Variants in POF1B observed in about 807,000 individuals in gnomAD.
The protein encoded by POF1B is POF1B actin binding protein.
In POF1B, 53 loss-of-function variants were observed where a neutral mutation model predicts 55.3. The observed-to-expected ratio is 0.96, with a 90% confidence interval of 0.77 to 1.20. The LOEUF is 1.20. POF1B is among the 50% of genes most tolerant of loss of function. The probability of loss-of-function intolerance (pLI) is 0.00; values close to 1 mark genes in which losing one functional copy is unlikely to be tolerated. For synonymous variants in POF1B, 188 were observed against 148.3 expected, an observed-to-expected ratio of 1.27 and a Z score of -1.95; for missense variants, 478 against 420.5, an observed-to-expected ratio of 1.14 and a Z score of -1.20.
intron 15 of POF1B, among the ~76,000 whole-genome samples, chrX:85,295,646 A>C (rs1479057170): frequency 8.9e-6 from 1 of 111,796 alleles, no homozygotes; most frequent in Non-Finnish European, 1.9e-5. Context: ...ATGGTCAAGC[A>C]TATGCTCAAT....
intron 6 of POF1B, among the ~76,000 whole-genome samples, chrX:85,340,816 G>A (rs1225615282): frequency 9.1e-6 from 1 of 110,375 alleles, no homozygotes; most frequent in Non-Finnish European, 1.9e-5. Flanking sequence ...GCTGATAAGG[G>A]ATAATTGATC....
At chrX:85,306,474 A>C in intron 11 of POF1B, 141 bp from the exon 12 acceptor site, 1 of 524,136 alleles carries the variant, frequency 1.9e-6, no homozygotes, top group South Asian at 3.4e-5. Context: ...TAGATGGTAC[A>C]TTAAGTCACC....
In POF1B at chrX:85,286,525, A is replaced by G. The variant is rs56673187; in HGVS notation, c.1650-4208T>C. 6.9e-3 allele frequency among the ~76,000 whole-genome samples: 769 copies of G among 111,667 alleles called. 6 individuals carry two copies. The highest frequency in any genetic ancestry group is 0.024 in the African/African-American group (729 of 30,896). On this transcript the variant is annotated intron_variant, in intron 15 of 16. Coordinates refer to ENST00000262753, the MANE Select transcript of POF1B (RefSeq NM_024921.4). ...TGATAAAAACTCAAGACCCAACTAC[A>G]CATGCTATTTACAAAAACCATACAA...
At chrX:85,337,446 C>T (rs1399426628) in intron 6 of POF1B, among the ~76,000 whole-genome samples, 1 of 111,659 alleles carries the variant, frequency 9.0e-6, no homozygotes, top group Non-Finnish European at 1.9e-5. Flanking sequence ...GATCACTCAC[C>T]TAATTTTTGG....
chrX:85,298,407 G>A (rs1028325133), intron 15 of POF1B, among the ~76,000 whole-genome samples: 3 of 111,402 alleles, frequency 2.7e-5, no homozygotes, highest in African/African-American at 9.8e-5. Context: ...GGATGCCAGA[G>A]GTACATGGTG....
rs146040221 is a variant in POF1B, at chrX:85,377,878, A to G, written c.282+1295T>C. Among the ~76,000 whole-genome samples, 675 of 112,144 alleles carry G rather than the reference A, an allele frequency of 6.0e-3. 2 individuals carry two copies. The highest frequency in any genetic ancestry group is 0.014 in the Middle Eastern group (3 of 215). ...AATATCTATTTATGTTTCTTTTACTAGCAAGTTGACAAAAAAGGGGTCTAA... is the reference window on the plus strand; with the variant it reads ...AATATCTATTTATGTTTCTTTTACTGGCAAGTTGACAAAAAAGGGGTCTAA... On this transcript the variant is annotated intron_variant, in intron 2 of 16. Transcript: ENST00000262753.
chrX:85,327,443 C>T (rs1166831983), intron 7 of POF1B, among the ~76,000 whole-genome samples: 3 of 111,763 alleles, frequency 2.7e-5, no homozygotes, highest in African/African-American at 9.8e-5. Flanking sequence ...TGTGCAAAAC[C>T]TCTTACACAC....
At chrX:85,308,056 C>T in intron 10 of POF1B, 68 bp downstream of exon 10, 1 of 623,718 alleles carries the variant, frequency 1.6e-6, no homozygotes, top group Admixed American at 3.1e-5. Context: ...ATATACTGGA[C>T]ATCTTTATTT....
intron 15 of POF1B, among the ~76,000 whole-genome samples, chrX:85,300,018 G>A (rs369188953): frequency 1.8e-5 from 2 of 112,629 alleles, no homozygotes; most frequent in African/African-American, 3.2e-5. Context: ...AACATTTGTC[G>A]AAAATAATGT....
At chrX:85,318,863 T>A (rs1341019660) in intron 7 of POF1B, among the ~76,000 whole-genome samples, 1 of 111,938 alleles carries the variant, frequency 8.9e-6, no homozygotes, top group Non-Finnish European at 1.9e-5. Flanking sequence ...TCTTTTATGG[T>A]TCCATATGAA....
chrX:85,302,043 G>A (rs182763031), intron 15 of POF1B, among the ~76,000 whole-genome samples: 2 of 111,546 alleles, frequency 1.8e-5, no homozygotes, highest in African/African-American at 6.5e-5. Context: ...TCTTGGGTTA[G>A]TCAACAGTTT....
At chrX:85,338,244 T>A in intron 6 of POF1B, among the ~76,000 whole-genome samples, 1 of 111,730 alleles carries the variant, frequency 9.0e-6, no homozygotes, top group Middle Eastern at 4.6e-3. Context: ...TCTTTCAAGG[T>A]AAGTAAGTAG....
At chrX:85,371,851 C>T (rs1304046019) in intron 2 of POF1B, among the ~76,000 whole-genome samples, 1 of 111,552 alleles carries the variant, frequency 9.0e-6, no homozygotes, top group African/African-American at 3.3e-5. Context: ...ACAGAGTGTA[C>T]TCACAAGCCT....
chrX:85,359,585 T>A lies in POF1B; in HGVS notation c.403A>T (p.Thr135Ser), dbSNP rs1266343795. The A allele has an allele frequency of 1.7e-6, 2 of 1,202,571 alleles. No individual in the cohort carries two copies. Among genetic ancestry groups the A allele is most frequent in the East Asian group, 6.0e-5 (2 of 33,594 alleles). The part of the protein sequence containing the change: ...TVKLTTYPQT[T>S]IRKYVVQNPE... ...TTTTGTACTACATATTTCCTAATAG[T>A]GGTCTGTGGATATGTAGTAAGTTTC... Residue 135 changes from threonine to serine, a missense_variant, in exon 4 of 17, where the codon ACT (threonine) becomes TCT (serine). Transcript: ENST00000262753.
intron 13 of POF1B, among the ~76,000 whole-genome samples, chrX:85,304,833 A>T (rs755280913): frequency 5.4e-5 from 6 of 111,590 alleles, no homozygotes; most frequent in Non-Finnish European, 1.1e-4. Flanking sequence ...CAGTTCACAA[A>T]ATATTCCTCC....
At chrX:85,293,979 A>T (rs966748946) in intron 15 of POF1B, among the ~76,000 whole-genome samples, 2 of 106,299 alleles carry the variant, frequency 1.9e-5, no homozygotes, top group African/African-American at 7.6e-5. Context: ...GTCAAAAAAA[A>T]AAAATAAATA....
chrX:85,345,375 C>A (rs112745384), intron 6 of POF1B, among the ~76,000 whole-genome samples: 3,211 of 111,185 alleles, frequency 0.029, 90 homozygotes, highest in African/African-American at 0.085. Context: ...AAAATCTATA[C>A]ATATTTTGAC....
intron 5 of POF1B, among the ~76,000 whole-genome samples, chrX:85,350,828 C>T (rs920167716): frequency 9.0e-6 from 1 of 111,228 alleles, no homozygotes; most frequent in Non-Finnish European, 1.9e-5. Flanking sequence ...ATTAAAAAGT[C>T]AGGAAACAAC....
chrX:85,349,632 T>C (rs886862865), intron 5 of POF1B, among the ~76,000 whole-genome samples: 3 of 111,009 alleles, frequency 2.7e-5, no homozygotes, highest in Non-Finnish European at 3.8e-5. Context: ...AGTTTCCATA[T>C]GAAGATAAAT....
Sources: allele counts gnomAD v4.1 joint callset (sites outside exome capture counted in the v4.1 genomes callset), GRCh38; gene constraint gnomAD v4.1.1; transcripts MANE v1.5; gene names NCBI Gene and HGNC (gene_info 2026-07-23, HGNC 2026-07-21).